Variants in TACR3 observed in about 807,000 individuals in gnomAD.
TACR3 encodes tachykinin receptor 3.
In TACR3, 34 loss-of-function variants were observed where a neutral mutation model predicts 35.0. The observed-to-expected ratio is 0.97, with a 90% CI of 0.74 to 1.30. The LOEUF is 1.30. Ranked by LOEUF, TACR3 falls within the 50% of genes most tolerant of loss-of-function variation. TACR3 has a pLI of 0.00. For missense variants in TACR3, 558 were observed against 591.7 expected, an observed-to-expected ratio of 0.94 and a Z score of 0.59; for synonymous variants, 233 against 221.1, an observed-to-expected ratio of 1.05 and a Z score of -0.48.
chr4:103,625,852 A>G (rs938850376), intron 3 of TACR3, among the ~76,000 whole-genome samples: 7 of 152,274 alleles, frequency 4.6e-5, no homozygotes, highest in African/African-American at 1.7e-4. Context: ...TAAAGAGGCA[A>G]TTCAGGTAAA....
In TACR3 at chr4:103,587,709, A is replaced by G. The variant is rs1056345655; in HGVS notation, c.*1973T>C. On this transcript the variant is annotated 3_prime_UTR_variant, in exon 5 of 5. Coordinates refer to ENST00000304883, the MANE Select transcript of TACR3 (RefSeq NM_001059.3). ...ACCATATCATTCATAAATTTAAGAA[A>G]ATAATAACTTTTTACATATTAGGCT... 6.6e-6 allele frequency: 1 copy of G among 151,512 alleles called. No homozygotes were observed. Among genetic ancestry groups the G allele is most frequent in the African/African-American group, 2.4e-5 (1 of 41,402 alleles). The allele number at this position is 151,512 out of a possible 1,614,324, so 9.4% of individuals were successfully genotyped here.
At chr4:103,718,344 G>A (rs1252538899) in intron 1 of TACR3, among the ~76,000 whole-genome samples, 2 of 152,162 alleles carry the variant, frequency 1.3e-5, no homozygotes, top group African/African-American at 2.4e-5. Context: ...TTAAAGTGAA[G>A]CCAGCCTTCA....
chr4:103,630,365 G>A (rs1725030327), intron 3 of TACR3, among the ~76,000 whole-genome samples: 1 of 152,188 alleles, frequency 6.6e-6, no homozygotes, highest in Non-Finnish European at 1.5e-5. Context: ...AAGAGCTTCT[G>A]TACAGCAAAA....
At chr4:103,642,324 C>CAATT (rs1218803536) in intron 3 of TACR3, among the ~76,000 whole-genome samples, 27 of 149,670 alleles carry the variant, frequency 1.8e-4, no homozygotes, top group Admixed American at 5.4e-4. Flanking sequence ...GAAGAGAATA[C>CAATT]AATTATTATT....
chr4:103,628,020 C>A (rs568214006), intron 3 of TACR3, among the ~76,000 whole-genome samples: 1 of 152,272 alleles, frequency 6.6e-6, no homozygotes, highest in East Asian at 1.9e-4. Flanking sequence ...TTCATGGAAA[C>A]TGAACAACTT....
At chr4:103,641,650 G>T (rs1470541886) in intron 3 of TACR3, among the ~76,000 whole-genome samples, 1 of 151,932 alleles carries the variant, frequency 6.6e-6, no homozygotes, top group African/African-American at 2.4e-5. Context: ...GAATTGAAAT[G>T]AGTATATCAA....
chr4:103,644,292 A>G (rs1303513133), intron 3 of TACR3, among the ~76,000 whole-genome samples: 1 of 151,860 alleles, frequency 6.6e-6, no homozygotes, highest in Non-Finnish European at 1.5e-5. Flanking sequence ...CACTGTTTCA[A>G]TTAGAAACAG....
intron 1 of TACR3, among the ~76,000 whole-genome samples, chr4:103,690,902 T>TA (rs1722388256): frequency 6.6e-6 from 1 of 152,126 alleles, no homozygotes; most frequent in Non-Finnish European, 1.5e-5. Flanking sequence ...TAATGTCAAC[T>TA]AAAAAATTAT....
intron 1 of TACR3, among the ~76,000 whole-genome samples, chr4:103,695,654 G>C (rs1445591814): frequency 6.6e-6 from 1 of 151,962 alleles, no homozygotes; most frequent in East Asian, 1.9e-4. Flanking sequence ...GCAGGGCTCA[G>C]TGCCCCTAAG....
At chr4:103,603,610 G>A (rs769587733) in intron 3 of TACR3, among the ~76,000 whole-genome samples, 28 of 152,182 alleles carry the variant, frequency 1.8e-4, no homozygotes, top group Non-Finnish European at 3.8e-4. Context: ...CTTTGCTATT[G>A]TGAACAGTGC....
intron 3 of TACR3, among the ~76,000 whole-genome samples, chr4:103,626,655 A>G (rs1474991651): frequency 6.6e-6 from 1 of 152,192 alleles, no homozygotes; most frequent in Non-Finnish European, 1.5e-5. Context: ...GTTGATAAAT[A>G]TAGTCCTACA....
intron 3 of TACR3, among the ~76,000 whole-genome samples, chr4:103,637,264 G>C (rs1416372625): frequency 1.3e-5 from 2 of 152,028 alleles, no homozygotes; most frequent in Non-Finnish European, 2.9e-5. Flanking sequence ...TTCATCCCTG[G>C]GATGCAAGAC....
chr4:103,604,010 G>T (rs537809114), intron 3 of TACR3, among the ~76,000 whole-genome samples: 32 of 152,144 alleles, frequency 2.1e-4, no homozygotes, highest in Non-Finnish European at 4.4e-4. Context: ...AACTACCATT[G>T]ACTTTCTTCA....
At chr4:103,596,277 G>T (rs2110286248) in intron 3 of TACR3, among the ~76,000 whole-genome samples, 1 of 152,034 alleles carries the variant, frequency 6.6e-6, no homozygotes, top group Middle Eastern at 3.4e-3. Context: ...GTAATGGGAT[G>T]GCTGGGTCAA....
chr4:103,718,031 T>C (rs1203597453), intron 1 of TACR3, among the ~76,000 whole-genome samples: 1 of 152,178 alleles, frequency 6.6e-6, no homozygotes, highest in Admixed American at 6.5e-5. Context: ...TTTCTAGAGA[T>C]ATATGTTACT....
chr4:103,631,291 C>G (rs529721737), intron 3 of TACR3, among the ~76,000 whole-genome samples: 1 of 151,828 alleles, frequency 6.6e-6, no homozygotes, highest in African/African-American at 2.4e-5. Context: ...CAACACTGCA[C>G]GTTGCACACA....
chr4:103,683,410 A>G (rs897101167), intron 1 of TACR3, among the ~76,000 whole-genome samples: 1 of 148,310 alleles, frequency 6.7e-6, no homozygotes, highest in African/African-American at 2.5e-5. Flanking sequence ...AAATCAGTGA[A>G]TCCAAAAAAT....
At chr4:103,668,104 C>CT (rs1560524521) in intron 1 of TACR3, among the ~76,000 whole-genome samples, 1 of 152,008 alleles carries the variant, frequency 6.6e-6, no homozygotes, top group Admixed American at 6.6e-5. Context: ...ATTGGTGAAT[C>CT]ACCACACCTG....
At chr4:103,640,406 C>T (rs2110319136) in intron 3 of TACR3, among the ~76,000 whole-genome samples, 1 of 150,342 alleles carries the variant, frequency 6.7e-6, no homozygotes, top group Admixed American at 6.7e-5. Flanking sequence ...ATGCACTTCC[C>T]TAATGATTAG....
Sources: allele counts gnomAD v4.1 joint callset (sites outside exome capture counted in the v4.1 genomes callset), GRCh38; gene constraint gnomAD v4.1.1; transcripts MANE v1.5; gene names NCBI Gene and HGNC (gene_info 2026-07-23, HGNC 2026-07-21).